LIMA1: variants seen among roughly 807,000 people sequenced by gnomAD.
The protein encoded by LIMA1 is LIM domain and actin-binding protein 1.
Under a neutral mutation model 62.6 loss-of-function variants are expected in LIMA1, and 52 were observed. The observed-to-expected ratio is 0.83, with a 90% CI of 0.67 to 1.05. LIMA1 has a LOEUF of 1.05. Among genes scored for constraint, LIMA1 ranks in the 50% least tolerant of loss-of-function variants. LIMA1 has a pLI of 0.00. For missense variants in LIMA1, 780 were observed against 902.2 expected (o/e 0.86, Z 1.74); for synonymous variants, 302 against 317.8 (o/e 0.95, Z 0.53).
At chr12:50,208,675 T>C (rs1394023157) in intron 4 of LIMA1, among the ~76,000 whole-genome samples, 1 of 151,806 alleles carries the variant, frequency 6.6e-6, no homozygotes, top group African/African-American at 2.4e-5. Flanking sequence ...AATAAAAATA[T>C]ATTATATACA....
At chr12:50,197,806 TC>T (rs1940963415) in intron 7 of LIMA1, among the ~76,000 whole-genome samples, 2 of 93,050 alleles carry the variant, frequency 2.1e-5, no homozygotes, top group African/African-American at 1.4e-4. Context: ...AAAATTTCTT[TC>T]TTTCTTTTTT....
chr12:50,211,793 A>AACACACACAC (rs6144709), intron 4 of LIMA1, among the ~76,000 whole-genome samples: 65 of 150,800 alleles, frequency 4.3e-4, no homozygotes, highest in East Asian at 1.6e-3. Context: ...AGGAACACAA[A>AACACACACAC]ACACACACAC....
At chr12:50,242,779 C>T (rs1457408854) in intron 2 of LIMA1, among the ~76,000 whole-genome samples, 2 of 152,130 alleles carry the variant, frequency 1.3e-5, no homozygotes, top group Non-Finnish European at 2.9e-5. Flanking sequence ...AGCAGGATTG[C>T]TGGAATGGAA....
chr12:50,259,447 C>G (rs1375434963), intron 1 of LIMA1, among the ~76,000 whole-genome samples: 1 of 152,180 alleles, frequency 6.6e-6, no homozygotes, highest in Non-Finnish European at 1.5e-5. Context: ...TAAAATTACA[C>G]ATAGCTTTAA....
Position 50,261,042 on chromosome 12 carries a change from A to ATATTTT in LIMA1, c.-23-12269_-23-12268insAAAATA, listed in dbSNP as rs1383547189. 1.2e-3 allele frequency among the ~76,000 whole-genome samples: 65 copies of ATATTTT among 54,298 alleles called. 1 individual carries two copies. The highest frequency in any genetic ancestry group is 4.5e-3 in the African/African-American group (63 of 13,956). The allele number at this position is 54,298 out of a possible 152,430, so 35.6% of individuals were successfully genotyped here. A position where few individuals can be genotyped will look rare whatever the true frequency, so the allele number is the denominator to read the frequency against. On this transcript the variant is annotated intron_variant, in intron 1 of 10. Transcript: ENST00000341247. ...CTTTTGCTTTTCTGCCATCTAGTATATTTTTTTTTTTTTTTTTTTTTTTTT... is the reference window on the plus strand; with the variant it reads ...CTTTTGCTTTTCTGCCATCTAGTATATATTTTTTTTTTTTTTTTTTTTTTTTTTTTT...
At chr12:50,227,408 T>C (rs953780936) in intron 3 of LIMA1, among the ~76,000 whole-genome samples, 20 of 151,772 alleles carry the variant, frequency 1.3e-4, no homozygotes, top group African/African-American at 4.8e-4. Context: ...CCGGCTAATT[T>C]TTTGTATTTT....
At chr12:50,204,826 C>A in intron 5 of LIMA1, 126 bp from the exon 6 acceptor site, 1 of 827,696 alleles carries the variant, frequency 1.2e-6, no homozygotes, top group Non-Finnish European at 1.9e-6. Flanking sequence ...CTCAAGATAT[C>A]CTCCCGCCTC....
intron 1 of LIMA1, among the ~76,000 whole-genome samples, chr12:50,269,690 C>A (rs1170244345): frequency 1.3e-5 from 2 of 150,634 alleles, no homozygotes; most frequent in Admixed American, 6.6e-5. Context: ...GAGGCCGAGG[C>A]GGGAGGATCA....
intron 10 of LIMA1, among the ~76,000 whole-genome samples, chr12:50,180,867 C>T (rs1405234733): frequency 1.3e-5 from 2 of 152,052 alleles, no homozygotes; most frequent in African/African-American, 2.4e-5. Flanking sequence ...AATCTCAGCA[C>T]TTTGGGAGGC....
At chr12:50,260,441 G>A (rs1234557208) in intron 1 of LIMA1, among the ~76,000 whole-genome samples, 3 of 152,072 alleles carry the variant, frequency 2.0e-5, no homozygotes, top group Non-Finnish European at 4.4e-5. Context: ...GAGCCACCAC[G>A]CCCAGCCCAG....
chr12:50,206,585 C>T (rs1017334951), intron 4 of LIMA1, among the ~76,000 whole-genome samples: 6 of 152,032 alleles, frequency 3.9e-5, no homozygotes, highest in Non-Finnish European at 5.9e-5. Context: ...TCTATTTTAC[C>T]CTCCTTTTCA....
At position 50,200,871 on chromosome 12, in the gene LIMA1, G is replaced by C; in HGVS notation, c.878C>G (p.Ala293Gly). The C allele has an allele frequency of 6.2e-7, 1 of 1,613,484 alleles. No homozygotes were observed. The highest frequency in any genetic ancestry group is 8.5e-7 in the Non-Finnish European group (1 of 1,179,840). ...ATGAATTTTGATTTCGCCACCACTG[G>C]CTTTCAGCTCATTCTACAAAATAAA... ...SSTNYTNELK[A>G]SGGEIKIHKM... Residue 293 changes from alanine (A) to glycine (G), a missense_variant, in exon 7 of 11, where the codon GCC (alanine) becomes GGC (glycine). Physicochemically the swap from Ala to Gly is moderately conservative, Grantham distance 60 (BLOSUM62 0). Transcript: ENST00000341247.
intron 10 of LIMA1, among the ~76,000 whole-genome samples, chr12:50,178,901 C>T (rs956200674): frequency 6.6e-6 from 1 of 151,792 alleles, no homozygotes; most frequent in African/African-American, 2.4e-5. Context: ...GGGTAGCCAT[C>T]ATCAAGCTTT....
intron 3 of LIMA1, among the ~76,000 whole-genome samples, chr12:50,226,527 T>C (rs775259422): frequency 1.3e-5 from 2 of 151,722 alleles, no homozygotes; most frequent in Admixed American, 6.6e-5. Flanking sequence ...GCAAGAAGGG[T>C]GTAGAAAAAA....
intron 4 of LIMA1, among the ~76,000 whole-genome samples, chr12:50,212,802 TATCTTTTTA>T (rs1181364561): frequency 1.3e-5 from 2 of 152,094 alleles, no homozygotes; most frequent in African/African-American, 4.8e-5. Flanking sequence ...TAATGAATTA[TATCTTTTTA>T]ATTTTATTTT....
intron 5 of LIMA1, 82 bp from the exon 6 acceptor site, chr12:50,204,782 C>G: frequency 7.4e-7 from 1 of 1,356,062 alleles, no homozygotes; most frequent in Non-Finnish European, 1.0e-6. Context: ...TGCAGTGGCA[C>G]GATCATAGCT....
chr12:50,222,296 C>A lies in LIMA1; in HGVS notation c.355G>T (p.Asp119Tyr). 6.2e-7 allele frequency: 1 copy of A among 1,614,088 alleles called. No homozygotes were observed. Among genetic ancestry groups the A allele is most frequent in the Non-Finnish European group, 8.5e-7 (1 of 1,180,022 alleles). Residue 119 changes from aspartate to tyrosine, a missense_variant, in exon 4 of 11, where the codon GAC becomes TAC. Asp to Tyr is a radical substitution (Grantham distance 160). Coordinates refer to ENST00000341247, the MANE Select transcript of LIMA1 (RefSeq NM_016357.5). ...CTGGGGTGGATTTGTTCTTCTTGGTCAGCTTTGGCTCCAGAAGCAGCGTGG... is the reference window on the plus strand; with the variant it reads ...CTGGGGTGGATTTGTTCTTCTTGGTAAGCTTTGGCTCCAGAAGCAGCGTGG... Reference protein sequence around the residue: ...TSHAASGAKADQEEQIHPRSR... With the variant: ...TSHAASGAKAYQEEQIHPRSR...
rs1565823467 is a variant in LIMA1, at chr12:50,177,150, A to G, written c.2194T>C (p.Trp732Arg). Residue 732 changes from tryptophan to arginine, a missense_variant, in exon 11 of 11, where the codon TGG (tryptophan) becomes CGG (arginine). Coordinates refer to ENST00000341247, the MANE Select transcript of LIMA1 (RefSeq NM_016357.5). Reference protein sequence around the residue: ...QNQKSQDVELWEGEVVKELSV... With the variant: ...QNQKSQDVELREGEVVKELSV... The stretch of plus-strand genomic sequence containing the variant: ...AGCTCTTTGACCACTTCTCCCTCCC[A>G]GAGTTCCACATCCTGGGATTTCTGA... The G allele has an allele frequency of 1.9e-6, 3 of 1,613,780 alleles. No homozygotes were observed. Among genetic ancestry groups the G allele is most frequent in the South Asian group, 1.1e-5 (1 of 90,978 alleles).
intron 1 of LIMA1, among the ~76,000 whole-genome samples, chr12:50,278,434 A>C (rs145965230): frequency 2.6e-5 from 4 of 152,196 alleles, no homozygotes; most frequent in Non-Finnish European, 4.4e-5. Context: ...AAATCATCAT[A>C]ATAATAATAT....
Sources: gnomAD v4.1 joint callset for allele counts (sites outside exome capture counted in the v4.1 genomes callset) on GRCh38, gnomAD v4.1.1 for gene constraint, MANE v1.5 for transcripts, NCBI Gene and HGNC (gene_info 2026-07-23, HGNC 2026-07-21) for gene names.